GRM7: variants seen among roughly 807,000 people sequenced by gnomAD.
GRM7 encodes metabotropic glutamate receptor 7.
A neutral mutation model predicts 84.5 loss-of-function variants in GRM7; 35 were observed. The ratio of observed to expected loss-of-function variants is 0.41; its 90% CI spans 0.32 to 0.55. GRM7 has a LOEUF of 0.55. Among genes scored for constraint, GRM7 ranks in the 20% least tolerant of loss-of-function variants. The probability of loss-of-function intolerance (pLI) is 0.19; values close to 1 mark genes in which losing one functional copy is unlikely to be tolerated. For synonymous variants in GRM7, 487 were observed against 455.1 expected (o/e 1.07, Z -0.89); for missense variants, 1,003 against 1,194.6 (o/e 0.84, Z 2.36).
intron 1 of GRM7, among the ~76,000 whole-genome samples, chr3:6,918,382 T>C (rs185833580): frequency 7.2e-5 from 11 of 152,062 alleles, no homozygotes; most frequent in Non-Finnish European, 1.5e-4. Flanking sequence ...TACTTAAGAG[T>C]CTGGTGAGGT....
chr3:7,477,023 C>G (rs915134887), intron 7 of GRM7, among the ~76,000 whole-genome samples: 16 of 152,218 alleles, frequency 1.1e-4, no homozygotes, highest in African/African-American at 2.9e-4. Context: ...CCCTGAAGCT[C>G]TTCAGAGCAC....
rs192497629 is a variant in GRM7, at chr3:7,236,686, G to T, written c.737-61998G>T. Among the ~76,000 whole-genome samples, 295 of 152,296 alleles carry T rather than the reference G, an allele frequency of 1.9e-3. 1 individual carries two copies. The highest frequency in any genetic ancestry group is 3.4e-3 in the Middle Eastern group (1 of 294). On this transcript the variant is annotated intron_variant, in intron 2 of 9. Coordinates refer to ENST00000357716, the MANE Select transcript of GRM7 (RefSeq NM_000844.4). The stretch of plus-strand genomic sequence containing the variant: ...TAATAAGTGATCCAGGGCCAGGTTA[G>T]TACCCTCACCACAACCAAGAGCCAT...
At chr3:7,447,768 C>T (rs1318437647) in intron 5 of GRM7, among the ~76,000 whole-genome samples, 2 of 151,298 alleles carry the variant, frequency 1.3e-5, no homozygotes, top group Non-Finnish European at 2.9e-5. Context: ...TATTATTATA[C>T]TTTAAGTTTT....
chr3:7,193,684 C>CT (rs1695790102), intron 2 of GRM7, among the ~76,000 whole-genome samples: 2 of 152,152 alleles, frequency 1.3e-5, no homozygotes, highest in Non-Finnish European at 2.9e-5. Context: ...CTCTCTCTCC[C>CT]CCTCCCTTTT....
chr3:7,416,895 G>T (rs1380656337), intron 5 of GRM7, among the ~76,000 whole-genome samples: 1 of 152,110 alleles, frequency 6.6e-6, no homozygotes, highest in African/African-American at 2.4e-5. Flanking sequence ...TGCACCGGAA[G>T]TATGTAGATG....
rs563084743 is a variant in GRM7, at chr3:7,180,661, G to A, written c.736+33993G>A. Among the ~76,000 whole-genome samples, 7 of 152,162 alleles carry A rather than the reference G, an allele frequency of 4.6e-5. No homozygotes were observed. The South Asian group carries it at 6.2e-4, about 14-fold the overall frequency. On this transcript the variant is annotated intron_variant, in intron 2 of 9. Transcript: ENST00000357716. ...AATTTACCAGATACCTCTTTTTAGC[G>A]AAGAAGTACTTTAGCAGGTAATTGA...
chr3:7,016,902 T>C (rs187679146), intron 1 of GRM7, among the ~76,000 whole-genome samples: 1 of 152,308 alleles, frequency 6.6e-6, no homozygotes, highest in East Asian at 1.9e-4. Context: ...TTTCATGTTA[T>C]AGTTCAGTTT....
chr3:7,326,802 C>A (rs549677880), intron 4 of GRM7, among the ~76,000 whole-genome samples: 1 of 151,522 alleles, frequency 6.6e-6, no homozygotes, highest in Non-Finnish European at 1.5e-5. Flanking sequence ...CCATTGCACT[C>A]CAGCCTGGGC....
chr3:7,235,548 C>A (rs1357317434), intron 2 of GRM7, among the ~76,000 whole-genome samples: 2 of 152,184 alleles, frequency 1.3e-5, no homozygotes, highest in African/African-American at 4.8e-5. Flanking sequence ...GTTACTCCAA[C>A]ACCTCCTGAC....
intron 2 of GRM7, among the ~76,000 whole-genome samples, chr3:7,196,748 A>G (rs1197094081): frequency 6.6e-6 from 1 of 152,232 alleles, no homozygotes; most frequent in East Asian, 1.9e-4. Flanking sequence ...TCAAAATTAT[A>G]TGGCTTGGCA....
chr3:6,940,841 C>A (rs985883800), intron 1 of GRM7, among the ~76,000 whole-genome samples: 1 of 152,196 alleles, frequency 6.6e-6, no homozygotes, highest in Non-Finnish European at 1.5e-5. Context: ...TTCTTCCTCA[C>A]CTACTCTACC....
At chr3:7,237,024 ACAGCCCGGT>A in intron 2 of GRM7, among the ~76,000 whole-genome samples, 1 of 152,348 alleles carries the variant, frequency 6.6e-6, no homozygotes. Flanking sequence ...TTCTGTATAT[ACAGCCCGGT>A]CATCAGTGCT....
Position 7,461,734 on chromosome 3 carries a change from T to A in GRM7, c.1515+12T>A, listed in dbSNP as rs1056299074. The A allele has an allele frequency of 6.2e-7, 1 of 1,611,896 alleles. No homozygotes were observed. The highest frequency in any genetic ancestry group is 8.5e-7 in the Non-Finnish European group (1 of 1,178,230). On this transcript the variant is annotated intron_variant, in intron 7 of 9. Transcript: ENST00000357716. ...AACTTCAGCTCAATGTGAGTTCTGC[T>A]TGCTTCTCTTCTTCCCTTGTTGAGA...
intron 7 of GRM7, among the ~76,000 whole-genome samples, chr3:7,526,607 T>G (rs979869479): frequency 9.2e-5 from 14 of 152,124 alleles, no homozygotes; most frequent in African/African-American, 3.1e-4. Flanking sequence ...CCTAGGCTGA[T>G]GTCCAGGAGA....
chr3:7,103,777 T>G, intron 1 of GRM7, among the ~76,000 whole-genome samples: 1 of 106,996 alleles, frequency 9.3e-6, no homozygotes. Context: ...TTTCTTTCTT[T>G]CTTTCTTTCT....
intron 4 of GRM7, among the ~76,000 whole-genome samples, chr3:7,358,259 G>A (rs1047832916): frequency 9.9e-5 from 15 of 152,062 alleles, no homozygotes; most frequent in Admixed American, 8.5e-4. Context: ...CCAAGTTATG[G>A]TAAGGCAAGA....
intron 4 of GRM7, among the ~76,000 whole-genome samples, chr3:7,338,769 C>T (rs1263364917): frequency 1.3e-5 from 2 of 152,000 alleles, no homozygotes; most frequent in Non-Finnish European, 2.9e-5. Flanking sequence ...TTATTGTCTC[C>T]TAAACAAGCG....
chr3:7,575,925 C>A (rs1694941826), intron 7 of GRM7, among the ~76,000 whole-genome samples: 1 of 152,066 alleles, frequency 6.6e-6, no homozygotes. Context: ...AATGAGTTGG[C>A]AGCATTTTAA....
chr3:7,297,146 A>G (rs1221521041), intron 2 of GRM7, among the ~76,000 whole-genome samples: 1 of 152,110 alleles, frequency 6.6e-6, no homozygotes, highest in East Asian at 1.9e-4. Flanking sequence ...CTATGTTTCC[A>G]TCTAAACACT....
Sources: gnomAD v4.1 joint callset for allele counts (sites outside exome capture counted in the v4.1 genomes callset) on GRCh38, gnomAD v4.1.1 for gene constraint, MANE v1.5 for transcripts, NCBI Gene and HGNC (gene_info 2026-07-23, HGNC 2026-07-21) for gene names.